RASAL2: variants seen among roughly 807,000 people sequenced by gnomAD.
RASAL2 encodes the protein RAS protein activator like 2.
RASAL2 carries 58 observed loss-of-function variants against 128.9 expected under a neutral mutation model. The ratio of observed to expected loss-of-function variants is 0.45; its 90% confidence interval spans 0.36 to 0.56. RASAL2 has a LOEUF of 0.56. Among genes scored for constraint, RASAL2 ranks in the 20% least tolerant of loss-of-function variants. RASAL2 has a pLI of 0.00. For missense variants in RASAL2, 1,360 were observed against 1,601.6 expected (o/e 0.85, Z 2.57); for synonymous variants, 561 against 580.8 (o/e 0.97, Z 0.49).
chr1:178,175,668 G>T (rs1255306472), intron 1 of RASAL2, among the ~76,000 whole-genome samples: 2 of 145,916 alleles, frequency 1.4e-5, no homozygotes, highest in South Asian at 2.2e-4. Context: ...CTATATGTAG[G>T]TTTTTTTTTT....
intron 1 of RASAL2, among the ~76,000 whole-genome samples, chr1:178,245,727 C>T (rs751234468): frequency 5.3e-5 from 8 of 152,130 alleles, no homozygotes; most frequent in Non-Finnish European, 1.0e-4. Flanking sequence ...TTTAATCCAT[C>T]TTGAGTTAAT....
intron 3 of RASAL2, among the ~76,000 whole-genome samples, chr1:178,317,325 TTC>T (rs1281093824): frequency 6.1e-5 from 9 of 147,200 alleles, no homozygotes; most frequent in African/African-American, 2.3e-4. Flanking sequence ...TTAGGGAGGA[TTC>T]TCTCTTTTTC....
intron 1 of RASAL2, among the ~76,000 whole-genome samples, chr1:178,259,531 A>G (rs1161068138): frequency 6.6e-6 from 1 of 152,206 alleles, no homozygotes; most frequent in African/African-American, 2.4e-5. Flanking sequence ...TTGTATCTTC[A>G]TAAAGCTGTT....
chr1:178,130,741 G>C (rs543199609), intron 1 of RASAL2, among the ~76,000 whole-genome samples: 1 of 152,268 alleles, frequency 6.6e-6, no homozygotes, highest in East Asian at 1.9e-4. Context: ...TTGGTCTTCT[G>C]ATTTGGCTTT....
chr1:178,422,124 A>AT (rs563722163), intron 5 of RASAL2, among the ~76,000 whole-genome samples: 31 of 150,146 alleles, frequency 2.1e-4, no homozygotes, highest in East Asian at 1.8e-3. Flanking sequence ...GGGAGACAAG[A>AT]TTTTTTTTTT....
intron 4 of RASAL2, among the ~76,000 whole-genome samples, chr1:178,393,165 G>A (rs1471412330): frequency 6.6e-6 from 1 of 152,170 alleles, no homozygotes; most frequent in African/African-American, 2.4e-5. Context: ...TTTTTCCACG[G>A]ACCAGGGTTG....
intron 5 of RASAL2, among the ~76,000 whole-genome samples, chr1:178,423,866 A>G (rs1675323561): frequency 6.6e-6 from 1 of 152,140 alleles, no homozygotes. Context: ...TTGGAATAGC[A>G]CTTTTTATTA....
At chr1:178,454,784 C>T in intron 12 of RASAL2, 136 bp downstream of exon 12, 2 of 661,668 alleles carry the variant, frequency 3.0e-6, no homozygotes, top group Non-Finnish European at 5.0e-6. Flanking sequence ...AAATGGTCAT[C>T]ATTTCTGAGT....
intron 3 of RASAL2, among the ~76,000 whole-genome samples, chr1:178,314,585 C>T (rs1668409058): frequency 2.0e-5 from 3 of 150,342 alleles, no homozygotes; most frequent in Admixed American, 1.3e-4. Flanking sequence ...TTTTCTTTAT[C>T]TCTTTTTCCC....
chr1:178,349,255 C>T (rs1670330173), intron 3 of RASAL2, among the ~76,000 whole-genome samples: 1 of 125,540 alleles, frequency 8.0e-6, no homozygotes, highest in Non-Finnish European at 1.6e-5. Context: ...CCTGTCTCTA[C>T]TTTAAAAAAA....
At chr1:178,157,733 G>A (rs755677874) in intron 1 of RASAL2, among the ~76,000 whole-genome samples, 13 of 152,062 alleles carry the variant, frequency 8.5e-5, no homozygotes, top group African/African-American at 1.9e-4. Context: ...TTAGACTTGC[G>A]TACATTCACC....
intron 1 of RASAL2, among the ~76,000 whole-genome samples, chr1:178,114,320 TTTG>T (rs1659447056): frequency 6.6e-6 from 1 of 152,136 alleles, no homozygotes; most frequent in South Asian, 2.1e-4. Context: ...CTTAGGTTTT[TTTG>T]TTGTTTGTTA....
chr1:178,296,055 A>G (rs1667484292), intron 2 of RASAL2, among the ~76,000 whole-genome samples: 1 of 151,746 alleles, frequency 6.6e-6, no homozygotes, highest in South Asian at 2.1e-4. Context: ...GTGTGTATAT[A>G]TATGTGTGTG....
intron 4 of RASAL2, among the ~76,000 whole-genome samples, chr1:178,395,090 G>T (rs956210613): frequency 1.6e-4 from 25 of 152,110 alleles, no homozygotes; most frequent in Non-Finnish European, 2.8e-4. Context: ...ATAAAGACTA[G>T]TAAGTGTCCA....
intron 1 of RASAL2, among the ~76,000 whole-genome samples, chr1:178,270,931 G>A (rs1304862542): frequency 3.3e-5 from 5 of 152,172 alleles, no homozygotes; most frequent in Non-Finnish European, 1.5e-5. Flanking sequence ...TCAAATGGGA[G>A]TTGAAGAGAC....
At chr1:178,375,544 G>T (rs1416202016) in intron 3 of RASAL2, among the ~76,000 whole-genome samples, 1 of 152,080 alleles carries the variant, frequency 6.6e-6, no homozygotes, top group Non-Finnish European at 1.5e-5. Context: ...ATAATTGTTG[G>T]TTTGTGTATT....
chr1:178,113,063 C>T (rs1416463543), intron 1 of RASAL2, among the ~76,000 whole-genome samples: 1 of 151,826 alleles, frequency 6.6e-6, no homozygotes, highest in African/African-American at 2.4e-5. Flanking sequence ...AATTGAAATT[C>T]TTCTTTTTTT....
rs867337230 is a variant in RASAL2 at position 178,114,591 on chromosome 1, T to G, written c.202+19897T>G. ...GGCTGGAGTGCAATGGCGGGATATC[T>G]GCTCACTGCAAGCTCCGCCTCCTGG... On this transcript the variant is annotated intron_variant, in intron 1 of 17. Coordinates refer to ENST00000367649, the MANE Select transcript of RASAL2 (RefSeq NM_170692.4). Among the ~76,000 whole-genome samples the G allele has an allele frequency of 1.1e-3, 165 of 151,956 alleles. 1 individual carries two copies. Among genetic ancestry groups the G allele is most frequent in the African/African-American group, 3.7e-3 (155 of 41,478 alleles).
At chr1:178,398,729 T>A (rs1411556107) in intron 4 of RASAL2, among the ~76,000 whole-genome samples, 1 of 152,210 alleles carries the variant, frequency 6.6e-6, no homozygotes, top group East Asian at 1.9e-4. Flanking sequence ...CTCTTTGTAG[T>A]GCTGCACATT....
Sources: gnomAD v4.1 joint callset for allele counts (sites outside exome capture counted in the v4.1 genomes callset) on GRCh38, gnomAD v4.1.1 for gene constraint, MANE v1.5 for transcripts, NCBI Gene and HGNC (gene_info 2026-07-23, HGNC 2026-07-21) for gene names.